Variants in PPARGC1A observed in about 807,000 individuals in gnomAD.
The protein encoded by PPARGC1A is PPARG coactivator 1 alpha.
Under a neutral mutation model 88.7 loss-of-function variants are expected in PPARGC1A, and 25 were observed. The observed-to-expected ratio is 0.28, with a 90% confidence interval of 0.21 to 0.39. The LOEUF is 0.39. Ranked by LOEUF, PPARGC1A falls within the 10% of genes least tolerant of loss-of-function variation. PPARGC1A has a pLI of 1.00. For missense variants in PPARGC1A, 880 were observed against 968.7 expected (o/e 0.91, Z 1.22); for synonymous variants, 363 against 355.6 (o/e 1.02, Z -0.24).
chr4:24,251,864 C>T, the PPARGC1A span, among the ~76,000 whole-genome samples: 1 of 152,140 alleles, frequency 6.6e-6, no homozygotes, highest in East Asian at 1.9e-4. Flanking sequence ...GACAGGAGCA[C>T]CCTCTCGGCT....
the PPARGC1A span, among the ~76,000 whole-genome samples, chr4:23,957,880 A>G: frequency 1.3e-5 from 2 of 152,142 alleles, no homozygotes; most frequent in African/African-American, 4.8e-5. Context: ...TTTAAAAAAC[A>G]TGAGGAAAAC....
the PPARGC1A span, among the ~76,000 whole-genome samples, chr4:24,459,969 T>C: frequency 6.6e-6 from 1 of 152,192 alleles, no homozygotes; most frequent in Non-Finnish European, 1.5e-5. Flanking sequence ...AAATAAGAGA[T>C]ATTTGTGTAT....
chr4:24,202,865 A>C, the PPARGC1A span, among the ~76,000 whole-genome samples: 1 of 152,130 alleles, frequency 6.6e-6, no homozygotes, highest in Non-Finnish European at 1.5e-5. Flanking sequence ...GACAGCAGGG[A>C]TCCAGTGCCC....
chr4:23,882,323 T>C (rs1716102899), intron 2 of PPARGC1A, among the ~76,000 whole-genome samples: 1 of 152,214 alleles, frequency 6.6e-6, no homozygotes, highest in Non-Finnish European at 1.5e-5. Context: ...TTACTATGTC[T>C]TCTCTCAGAA....
At chr4:24,220,716 A>T in the PPARGC1A span, among the ~76,000 whole-genome samples, 5 of 152,308 alleles carry the variant, frequency 3.3e-5, no homozygotes, top group African/African-American at 9.6e-5. Flanking sequence ...AACACTAAAG[A>T]TTCCAAAGGG....
the PPARGC1A span, among the ~76,000 whole-genome samples, chr4:24,119,105 G>GA: frequency 6.6e-6 from 1 of 152,176 alleles, no homozygotes; most frequent in Non-Finnish European, 1.5e-5. Flanking sequence ...CATAAAGTGG[G>GA]ATGGTGAGCC....
chr4:23,928,105 C>T, the PPARGC1A span, among the ~76,000 whole-genome samples: 3 of 152,098 alleles, frequency 2.0e-5, no homozygotes, highest in Non-Finnish European at 4.4e-5. Context: ...ATATCAACCC[C>T]GGTCTGATGC....
the PPARGC1A span, among the ~76,000 whole-genome samples, chr4:24,455,688 A>G: frequency 6.6e-6 from 1 of 152,326 alleles, no homozygotes; most frequent in East Asian, 1.9e-4. Flanking sequence ...TTATCTCCAG[A>G]GTTGGTTAGT....
the PPARGC1A span, among the ~76,000 whole-genome samples, chr4:24,172,130 A>C: frequency 6.6e-6 from 1 of 152,196 alleles, no homozygotes; most frequent in Non-Finnish European, 1.5e-5. Flanking sequence ...AAAGAGAAAA[A>C]GGCTGGGGCC....
the PPARGC1A span, among the ~76,000 whole-genome samples, chr4:24,175,222 A>G: frequency 5.9e-5 from 9 of 152,094 alleles, no homozygotes; most frequent in Non-Finnish European, 1.0e-4. Context: ...GAAACCTTGT[A>G]TTATTTACTG....
intron 2 of PPARGC1A, among the ~76,000 whole-genome samples, chr4:23,845,146 G>A (rs150513945): frequency 9.3e-4 from 141 of 152,008 alleles, no homozygotes; most frequent in African/African-American, 3.2e-3. Flanking sequence ...ACTTTAGCAC[G>A]GAGGCCTGCT....
At chr4:24,265,066 C>T in the PPARGC1A span, among the ~76,000 whole-genome samples, 1 of 152,074 alleles carries the variant, frequency 6.6e-6, no homozygotes, top group East Asian at 1.9e-4. Flanking sequence ...TATGTGACCA[C>T]GGAACCCTTT....
the PPARGC1A span, among the ~76,000 whole-genome samples, chr4:24,318,109 G>A: frequency 6.6e-6 from 1 of 152,186 alleles, no homozygotes; most frequent in Non-Finnish European, 1.5e-5. Flanking sequence ...TAGTCCTGAA[G>A]CCAGTGTTGT....
chr4:24,101,332 C>T, the PPARGC1A span, among the ~76,000 whole-genome samples: 1 of 152,188 alleles, frequency 6.6e-6, no homozygotes, highest in African/African-American at 2.4e-5. Flanking sequence ...GTCTCACCAG[C>T]CATGCTTCCT....
the PPARGC1A span, among the ~76,000 whole-genome samples, chr4:24,324,785 G>A: frequency 0.27 from 41,079 of 151,768 alleles, 5,753 homozygotes; most frequent in African/African-American, 0.34. Context: ...AGTGAAACTC[G>A]TCCCAAATCA....
chr4:24,094,908 A>C, the PPARGC1A span, among the ~76,000 whole-genome samples: 1 of 152,208 alleles, frequency 6.6e-6, no homozygotes, highest in Non-Finnish European at 1.5e-5. Context: ...CTCTGGCCAA[A>C]CCACGACACT....
At chr4:23,885,757 A>G (rs1225916971) in intron 1 of PPARGC1A, among the ~76,000 whole-genome samples, 1 of 152,164 alleles carries the variant, frequency 6.6e-6, no homozygotes, top group African/African-American at 2.4e-5. Flanking sequence ...TATTTTGTTC[A>G]TTATTTATGT....
At chr4:23,977,539 A>G in the PPARGC1A span, among the ~76,000 whole-genome samples, 1 of 152,200 alleles carries the variant, frequency 6.6e-6, no homozygotes, top group Non-Finnish European at 1.5e-5. Flanking sequence ...TGTCTAATAA[A>G]TGGATAGCTC....
At position 23,824,326 on chromosome 4, in the gene PPARGC1A, G is replaced by C. The variant is rs200119427; in HGVS notation, c.831C>G (p.Asn277Lys). 1.4e-5 allele frequency: 23 copies of C among 1,613,434 alleles called. No individual in the cohort carries two copies. In the African/African-American group the frequency reaches 3.1e-4, roughly 22 times the overall value. The change falls in exon 7 of 13, where the codon AAC becomes AAG. Residue 277 changes from asparagine to lysine, a missense_variant. Physicochemically the swap from Asn to Lys is moderately conservative, Grantham distance 94. Transcript: ENST00000264867. Reference protein sequence around the residue: ...PNDPKGSPFENKTIERTLSVE... With the variant: ...PNDPKGSPFEKKTIERTLSVE... ...CACTTAAGGTGCGTTCAATAGTCTTGTTCTCAAATGGGGAACCCTTGGGGT... is the reference window on the plus strand; with the variant it reads ...CACTTAAGGTGCGTTCAATAGTCTTCTTCTCAAATGGGGAACCCTTGGGGT...
Sources: gnomAD v4.1 joint callset for allele counts (sites outside exome capture counted in the v4.1 genomes callset) on GRCh38, gnomAD v4.1.1 for gene constraint, MANE v1.5 for transcripts, NCBI Gene and HGNC (gene_info 2026-07-23, HGNC 2026-07-21) for gene names.